EPAS1: variants seen among roughly 807,000 people sequenced by gnomAD.
EPAS1 encodes the protein endothelial PAS domain protein 1.
Under a neutral mutation model 87.9 loss-of-function variants are expected in EPAS1, and 23 were observed. The observed-to-expected ratio is 0.26, with a 90% CI of 0.19 to 0.37. The LOEUF (loss-of-function observed/expected upper bound fraction) is 0.37, where lower values mean the gene tolerates loss of function less well. Among genes scored for constraint, EPAS1 ranks in the 10% least tolerant of loss-of-function variants. The probability of loss-of-function intolerance (pLI) is 1.00; values close to 1 mark genes in which losing one functional copy is unlikely to be tolerated. For synonymous variants in EPAS1, 508 were observed against 444.3 expected, an observed-to-expected ratio of 1.14 and a Z score of -1.80; for missense variants, 1,138 against 1,120.7, an observed-to-expected ratio of 1.02 and a Z score of -0.22.
intron 6 of EPAS1, among the ~76,000 whole-genome samples, chr2:46,363,009 T>C (rs1684431217): frequency 6.7e-6 from 1 of 149,062 alleles, no homozygotes; most frequent in Non-Finnish European, 1.5e-5. Context: ...GTGGTGGTGG[T>C]GGTGGTGGTG....
At chr2:46,357,415 A>G (rs992312968) in intron 4 of EPAS1, among the ~76,000 whole-genome samples, 13 of 152,142 alleles carry the variant, frequency 8.5e-5, no homozygotes, top group South Asian at 2.1e-4. Context: ...CTCTCACTCT[A>G]TGGAGACTCA....
In EPAS1 at chr2:46,297,714, C is replaced by T. The variant is rs772078559; in HGVS notation, c.-198C>T. 4.8e-6 allele frequency: 3 copies of T among 624,604 alleles called. No individual in the cohort carries two copies. Among genetic ancestry groups the T allele is most frequent in the Non-Finnish European group, 8.2e-6 (3 of 364,152 alleles). 38.7% of individuals were successfully genotyped at this position (624,604 alleles called of 1,614,324 possible). On this transcript the variant is annotated 5_prime_UTR_variant, in exon 1 of 16. Coordinates refer to ENST00000263734, the MANE Select transcript of EPAS1 (RefSeq NM_001430.5). Reference sequence around the variant, plus strand: ...CCGCGCGCAGGTTCCTCCCAGTCACCTTTCTCCACCCCCGCCCCCGCACCT... The same window carrying T: ...CCGCGCGCAGGTTCCTCCCAGTCACTTTTCTCCACCCCCGCCCCCGCACCT...
intron 1 of EPAS1, among the ~76,000 whole-genome samples, chr2:46,304,246 T>C (rs1371760991): frequency 1.3e-5 from 2 of 152,190 alleles, no homozygotes; most frequent in African/African-American, 4.8e-5. Flanking sequence ...TTTTTAATCC[T>C]GTGAGATAAG....
chr2:46,355,705 T>C (rs2103627367), intron 2 of EPAS1, among the ~76,000 whole-genome samples: 1 of 152,330 alleles, frequency 6.6e-6, no homozygotes. Context: ...TCTTTGGAGA[T>C]AAATAATGAA....
chr2:46,331,666 G>C (rs1320890656), intron 1 of EPAS1, among the ~76,000 whole-genome samples: 1 of 152,190 alleles, frequency 6.6e-6, no homozygotes, highest in African/African-American at 2.4e-5. Flanking sequence ...CGGAGAGACA[G>C]AAAAGACCAC....
intron 1 of EPAS1, among the ~76,000 whole-genome samples, chr2:46,305,708 C>A (rs1424796704): frequency 3.6e-5 from 1 of 27,642 alleles, no homozygotes; most frequent in Non-Finnish European, 6.4e-5. Flanking sequence ...CTAGTGACTT[C>A]TTGAACTATC....
At chr2:46,366,891 C>T (rs764826165) in intron 6 of EPAS1, among the ~76,000 whole-genome samples, 2 of 152,226 alleles carry the variant, frequency 1.3e-5, no homozygotes, top group Non-Finnish European at 2.9e-5. Flanking sequence ...TCCCCACTGG[C>T]GTCTACGTGC....
At chr2:46,338,147 A>G (rs1262060719) in intron 1 of EPAS1, among the ~76,000 whole-genome samples, 3 of 152,218 alleles carry the variant, frequency 2.0e-5, no homozygotes, top group Non-Finnish European at 4.4e-5. Flanking sequence ...ATTTAGGGTC[A>G]AATGATCCAG....
chr2:46,302,856 G>C (rs1236534010), intron 1 of EPAS1, among the ~76,000 whole-genome samples: 9 of 151,836 alleles, frequency 5.9e-5, no homozygotes, highest in African/African-American at 2.2e-4. Flanking sequence ...GGCAGATCAC[G>C]AGGTCAGGAG....
intron 1 of EPAS1, among the ~76,000 whole-genome samples, chr2:46,340,660 A>G (rs1396799412): frequency 6.6e-6 from 1 of 152,180 alleles, no homozygotes; most frequent in Non-Finnish European, 1.5e-5. Flanking sequence ...CTCTTGTCAA[A>G]GTCTGTCTGA....
At chr2:46,303,904 A>C (rs2104836506) in intron 1 of EPAS1, among the ~76,000 whole-genome samples, 1 of 152,104 alleles carries the variant, frequency 6.6e-6, no homozygotes, top group South Asian at 2.1e-4. Flanking sequence ...GTATTTAGTA[A>C]AGGTTCTGAG....
rs1175090734 is a variant in EPAS1 at position 46,369,322 on chromosome 2, C to CT, written c.780-504dup. Among the ~76,000 whole-genome samples the CT allele has an allele frequency of 2.0e-5, 3 of 152,290 alleles. No homozygotes were observed. In the East Asian group the frequency reaches 5.8e-4, roughly 29 times the overall value. On this transcript the variant is annotated intron_variant, in intron 6 of 15. Transcript: ENST00000263734. ...CTGGTTGACACAGAGACAAAGGTGG[C>CT]TCTACCTGGGGCCACATAATTTTCA... is the stretch of plus-strand genomic sequence containing the variant.
intron 2 of EPAS1, among the ~76,000 whole-genome samples, chr2:46,351,592 G>C (rs985774472): frequency 1.3e-5 from 2 of 152,176 alleles, no homozygotes; most frequent in Non-Finnish European, 2.9e-5. Flanking sequence ...CCAGGCTGTG[G>C]GTCAGGTGGA....
intron 1 of EPAS1, among the ~76,000 whole-genome samples, chr2:46,343,964 T>C (rs1164469657): frequency 6.6e-6 from 1 of 152,258 alleles, no homozygotes; most frequent in East Asian, 1.9e-4. Context: ...TGGAATTAGA[T>C]AGGGATCCCC....
In EPAS1 at chr2:46,384,681, A is replaced by C; in HGVS notation, c.*21A>C. The C allele has an allele frequency of 6.2e-7, 1 of 1,612,582 alleles. No homozygotes were observed. Among genetic ancestry groups the C allele is most frequent in the South Asian group, 1.1e-5 (1 of 91,016 alleles). ...CCTGAGCCAGGCCTTCTACCTGGGC[A>C]GCACCTCTGCCGACGCCGTCCCACC... On this transcript the variant is annotated 3_prime_UTR_variant, in exon 16 of 16. Transcript: ENST00000263734.
At chr2:46,372,968 G>A (rs1321310364) in intron 7 of EPAS1, among the ~76,000 whole-genome samples, 6 of 152,334 alleles carry the variant, frequency 3.9e-5, no homozygotes, top group Middle Eastern at 3.4e-3. Context: ...GTCCATGATG[G>A]TTTAGGACAG....
chr2:46,381,457 G>C (rs1308948821), intron 12 of EPAS1, 139 bp from the exon 13 acceptor site: 2 of 1,382,728 alleles, frequency 1.4e-6, no homozygotes, highest in Non-Finnish European at 2.0e-6. Context: ...TGCACAGCCT[G>C]CCTCTGAGAC....
chr2:46,333,129 A>T (rs781682962), intron 1 of EPAS1, among the ~76,000 whole-genome samples: 16 of 152,212 alleles, frequency 1.1e-4, no homozygotes, highest in Non-Finnish European at 1.9e-4. Flanking sequence ...TGATGAATAT[A>T]GCCACCATCA....
At chr2:46,310,885 CT>C (rs66974414) in intron 1 of EPAS1, among the ~76,000 whole-genome samples, 3 of 151,502 alleles carry the variant, frequency 2.0e-5, no homozygotes, top group East Asian at 1.9e-4. Context: ...CGTGTTTGGC[CT>C]TTTTTTTTGA....
Sources: allele counts gnomAD v4.1 joint callset (sites outside exome capture counted in the v4.1 genomes callset), GRCh38; gene constraint gnomAD v4.1.1; transcripts MANE v1.5; gene names NCBI Gene and HGNC (gene_info 2026-07-23, HGNC 2026-07-21).